GRIP1: variants seen among roughly 807,000 people sequenced by gnomAD.
GRIP1 encodes glutamate receptor-interacting protein 1.
Under a neutral mutation model 129.9 loss-of-function variants are expected in GRIP1, and 45 were observed. That is an observed-to-expected ratio of 0.35 (90% CI 0.27 to 0.44). GRIP1 has a LOEUF of 0.44. Among genes scored for constraint, GRIP1 ranks in the 20% least tolerant of loss-of-function variants. The pLI is 1.00. For synonymous variants in GRIP1, 530 were observed against 520.8 expected (o/e 1.02, Z -0.24); for missense variants, 1,196 against 1,396.8 (o/e 0.86, Z 2.29).
At chr12:66,355,817 A>T (rs2054462560) in intron 23 of GRIP1, among the ~76,000 whole-genome samples, 1 of 152,188 alleles carries the variant, frequency 6.6e-6, no homozygotes, top group African/African-American at 2.4e-5. Flanking sequence ...TAGTGGGGTT[A>T]GTATTTTGAC....
At chr12:66,464,961 T>C (rs2059245253) in intron 8 of GRIP1, among the ~76,000 whole-genome samples, 1 of 151,192 alleles carries the variant, frequency 6.6e-6, no homozygotes, top group Non-Finnish European at 1.5e-5. Context: ...TTTCTTTTTT[T>C]TTTTTTGAGA....
chr12:66,579,777 C>T (rs963419493), intron 2 of GRIP1, among the ~76,000 whole-genome samples: 4 of 151,814 alleles, frequency 2.6e-5, no homozygotes, highest in Admixed American at 6.6e-5. Flanking sequence ...AAATCTACAT[C>T]TGATTGGTGT....
intron 1 of GRIP1, among the ~76,000 whole-genome samples, chr12:66,899,713 T>C (rs1273488585): frequency 2.0e-5 from 3 of 152,188 alleles, no homozygotes; most frequent in African/African-American, 7.2e-5. Context: ...ATGGGGTAGA[T>C]ACTAGACTTC....
At chr12:66,597,907 C>T (rs956527941) in intron 1 of GRIP1, among the ~76,000 whole-genome samples, 5 of 151,892 alleles carry the variant, frequency 3.3e-5, no homozygotes. Flanking sequence ...GTGAATAACA[C>T]CCTTAAACAT....
intron 1 of GRIP1, among the ~76,000 whole-genome samples, chr12:66,864,174 T>C (rs906800731): frequency 6.6e-6 from 1 of 152,008 alleles, no homozygotes; most frequent in African/African-American, 2.4e-5. Context: ...CCAAAAGTGA[T>C]GATACTCAAT....
intron 1 of GRIP1, among the ~76,000 whole-genome samples, chr12:66,994,029 C>T (rs1014406835): frequency 6.6e-6 from 1 of 151,890 alleles, no homozygotes; most frequent in Non-Finnish European, 1.5e-5. Context: ...TAAACCTCCC[C>T]CAAAGAAAAG....
chr12:66,382,280 C>T (rs1184526395), intron 19 of GRIP1, among the ~76,000 whole-genome samples: 1 of 152,106 alleles, frequency 6.6e-6, no homozygotes, highest in Non-Finnish European at 1.5e-5. Context: ...ATACCAGCTA[C>T]TTGAGAGGCT....
intron 1 of GRIP1, among the ~76,000 whole-genome samples, chr12:66,605,229 A>C (rs1592635308): frequency 6.6e-6 from 1 of 152,282 alleles, no homozygotes; most frequent in Non-Finnish European, 1.5e-5. Context: ...TTCAAAACTG[A>C]ATCATTTAAA....
intron 1 of GRIP1, among the ~76,000 whole-genome samples, chr12:66,602,847 G>GTTT (rs2064337240): frequency 1.4e-5 from 1 of 72,346 alleles, no homozygotes; most frequent in Non-Finnish European, 3.0e-5. Flanking sequence ...CAGATCTTTT[G>GTTT]CTTTTTTTTT....
intron 1 of GRIP1, among the ~76,000 whole-genome samples, chr12:66,752,085 A>G (rs1254554693): frequency 6.6e-6 from 1 of 152,188 alleles, no homozygotes; most frequent in Non-Finnish European, 1.5e-5. Context: ...ATCATTCATG[A>G]AAATGCTTCT....
At chr12:66,566,078 T>C (rs1475324173) in intron 2 of GRIP1, among the ~76,000 whole-genome samples, 1 of 152,208 alleles carries the variant, frequency 6.6e-6, no homozygotes, top group Non-Finnish European at 1.5e-5. Flanking sequence ...CAGAGACAAT[T>C]TGACTTCCTC....
intron 1 of GRIP1, among the ~76,000 whole-genome samples, chr12:67,016,820 C>T (rs78112981): frequency 8.7e-4 from 133 of 152,180 alleles, no homozygotes; most frequent in African/African-American, 3.1e-3. Flanking sequence ...TTTACAATAT[C>T]CCTATAACAT....
chr12:66,679,800 A>AAT (rs2034513696), upstream of GRIP1, among the ~76,000 whole-genome samples: 1 of 152,218 alleles, frequency 6.6e-6, no homozygotes, highest in Non-Finnish European at 1.5e-5. Context: ...CTATTTCCCA[A>AAT]ACAACCATCC....
chr12:66,636,780 G>T (rs2031437570), intron 1 of GRIP1, among the ~76,000 whole-genome samples: 1 of 150,486 alleles, frequency 6.6e-6, no homozygotes, highest in Non-Finnish European at 1.5e-5. Context: ...TCTGTGCCAT[G>T]TGAGGACATG....
chr12:66,363,225 A>ATATATATATATATATATATATG lies in GRIP1; in HGVS notation c.3012+8468_3012+8469insCATATATATATATATATATATA, dbSNP rs1363141435. Among the ~76,000 whole-genome samples, 196 of 133,788 alleles carry ATATATATATATATATATATATG rather than the reference A, an allele frequency of 1.5e-3. 2 individuals carry two copies. Among genetic ancestry groups the ATATATATATATATATATATATG allele is most frequent in the Non-Finnish European group, 2.4e-3 (151 of 62,312 alleles). 87.8% of individuals were successfully genotyped at this position (133,788 alleles called of 152,430 possible). A position where few individuals can be genotyped will look rare whatever the true frequency, so the allele number is the denominator to read the frequency against. ...CATATATATATATATATATATATATATATAAAGTTTCTGTATCTCTTTTTT... is the reference window on the plus strand; with the variant it reads ...CATATATATATATATATATATATATATATATATATATATATATATATGTATAAAGTTTCTGTATCTCTTTTTT... On this transcript the variant is annotated intron_variant, in intron 23 of 24. Coordinates refer to ENST00000359742, the MANE Select transcript of GRIP1 (RefSeq NM_001366722.1).
intron 1 of GRIP1, among the ~76,000 whole-genome samples, chr12:66,720,606 G>A (rs1048088181): frequency 6.6e-6 from 1 of 152,058 alleles, no homozygotes; most frequent in Non-Finnish European, 1.5e-5. Flanking sequence ...ATCTTTCATT[G>A]TCATTTCAAC....
chr12:66,348,861 G>T lies in GRIP1; in HGVS notation c.*158C>A, dbSNP rs2054094122. 5.7e-6 allele frequency: 4 copies of T among 699,510 alleles called. No individual in the cohort carries two copies. The highest frequency in any genetic ancestry group is 1.0e-5 in the Non-Finnish European group (4 of 388,822). The allele number at this position is 699,510 out of a possible 1,614,324, so 43.3% of individuals were successfully genotyped here. On this transcript the variant is annotated 3_prime_UTR_variant, in exon 25 of 25. Transcript: ENST00000359742. ...AAGAAACCTCTTCAACTTGAAAAGG[G>T]AAGTGAACATGAGCCATGAGAGAGA...
intron 1 of GRIP1, among the ~76,000 whole-genome samples, chr12:66,741,985 A>G (rs757669140): frequency 4.6e-5 from 7 of 152,178 alleles, no homozygotes; most frequent in Non-Finnish European, 8.8e-5. Context: ...ACTAAAGAAA[A>G]CAATTTTCTG....
chr12:66,690,570 T>C (rs915764871), intron 1 of GRIP1, among the ~76,000 whole-genome samples: 4 of 151,640 alleles, frequency 2.6e-5, no homozygotes, highest in Admixed American at 2.0e-4. Flanking sequence ...TTTAGTACTA[T>C]TTTTAATTTT....
Sources: allele counts gnomAD v4.1 joint callset (sites outside exome capture counted in the v4.1 genomes callset), GRCh38; gene constraint gnomAD v4.1.1; transcripts MANE v1.5; gene names NCBI Gene and HGNC (gene_info 2026-07-23, HGNC 2026-07-21).